BAG3: variants seen among roughly 807,000 people sequenced by gnomAD.
BAG3 encodes the protein BAG cochaperone 3, also known as BAG family molecular chaperone regulator 3.
BAG3 carries 14 observed loss-of-function variants against 40.5 expected under a neutral mutation model. That is an observed-to-expected ratio of 0.35 (90% CI 0.23 to 0.54). The LOEUF (loss-of-function observed/expected upper bound fraction) is 0.54. Ranked by LOEUF, BAG3 falls within the 20% of genes least tolerant of loss-of-function variation. BAG3 has a pLI of 0.91. For synonymous variants in BAG3, 302 were observed against 307.8 expected (o/e 0.98, Z 0.20); for missense variants, 788 against 758.6 (o/e 1.04, Z -0.46).
In BAG3 at chr10:119,676,726, C is replaced by G. The variant is rs200242752; in HGVS notation, c.1172C>G (p.Ala391Gly). 1 of 1,614,134 alleles carries G rather than the reference C, an allele frequency of 6.2e-7. No homozygotes were observed. Among genetic ancestry groups the G allele is most frequent in the Non-Finnish European group, 8.5e-7 (1 of 1,180,006 alleles). The change falls in exon 4 of 4, where the codon GCT (alanine) becomes GGT (glycine). Residue 391 changes from alanine to glycine, a missense_variant. Transcript: ENST00000369085. ...GTCCCCTCTTCCCCCAAGAGTGTGG[C>G]TACAGAAGAGAGGGCAGCCCCCAGC... ...SAVPSSPKSV[A>G]TEERAAPSTA...
At chr10:119,664,620 G>T (rs1847034523) in intron 1 of BAG3, among the ~76,000 whole-genome samples, 1 of 152,062 alleles carries the variant, frequency 6.6e-6, no homozygotes, top group South Asian at 2.1e-4. Flanking sequence ...ACACAGAGCT[G>T]TCCCCCCAAC....
intron 1 of BAG3, among the ~76,000 whole-genome samples, chr10:119,662,381 T>C (rs183879525): frequency 6.6e-6 from 1 of 152,134 alleles, no homozygotes; most frequent in African/African-American, 2.4e-5. Context: ...AGTTGCACTT[T>C]GGAAGAAAGT....
chr10:119,677,045 A>T lies in BAG3; in HGVS notation c.1491A>T (p.Lys497Asn). ...VQTILEKLEQ[K>N]AIDVPGQVQV... The stretch of plus-strand genomic sequence containing the variant: ...CCATCTTGGAAAAACTTGAACAGAA[A>T]GCCATTGATGTCCCAGGTCAAGTCC... The change falls in exon 4 of 4, where the codon AAA becomes AAT. Residue 497 changes from lysine to asparagine, a missense_variant. Transcript: ENST00000369085. 6.2e-7 allele frequency: 1 copy of T among 1,614,212 alleles called. No homozygotes were observed. Among genetic ancestry groups the T allele is most frequent in the East Asian group, 2.2e-5 (1 of 44,888 alleles).
At chr10:119,655,846 A>G (rs1380504297) in intron 1 of BAG3, among the ~76,000 whole-genome samples, 1 of 151,572 alleles carries the variant, frequency 6.6e-6, no homozygotes, top group East Asian at 1.9e-4. Flanking sequence ...TGTAGGGTAG[A>G]TTTGCCCTTT....
chr10:119,664,611 C>T (rs1401105150), intron 1 of BAG3, among the ~76,000 whole-genome samples: 1 of 152,156 alleles, frequency 6.6e-6, no homozygotes, highest in Non-Finnish European at 1.5e-5. Context: ...CCCATGATCA[C>T]ACAGAGCTGT....
At chr10:119,661,378 C>T (rs1395190685) in intron 1 of BAG3, among the ~76,000 whole-genome samples, 1 of 152,150 alleles carries the variant, frequency 6.6e-6, no homozygotes, top group Non-Finnish European at 1.5e-5. Flanking sequence ...CTTGCAAAAA[C>T]CCCTGGGAAA....
rs1846845927 is a variant in BAG3, at chr10:119,651,843, T to G, written c.168T>G (p.Ser56=). The change falls in exon 1 of 4, where the codon TCT becomes TCG. Residue 56 remains serine, a synonymous_variant. Transcript: ENST00000369085. The part of the protein sequence containing the change: ...TTTWNDPRVP[S]EGPKETPSSA... ...CGTGGAACGACCCGCGCGTGCCCTC[T>G]GAGGGCCCCAAGGTGAGCCGGGCCC... 1 of 1,581,594 alleles carries G rather than the reference T, an allele frequency of 6.3e-7. No homozygotes were observed. The highest frequency in any genetic ancestry group is 8.6e-7 in the Non-Finnish European group (1 of 1,165,132).
At position 119,651,550 on chromosome 10, in the gene BAG3, G is replaced by T; in HGVS notation, c.-126G>T. The T allele has an allele frequency of 1.1e-6, 1 of 894,482 alleles. No homozygotes were observed. Among genetic ancestry groups the T allele is most frequent in the Non-Finnish European group, 1.5e-6 (1 of 654,262 alleles). 55.4% of individuals were successfully genotyped at this position (894,482 alleles called of 1,614,324 possible). A position where few individuals can be genotyped will look rare whatever the true frequency, so the allele number is the denominator to read the frequency against. On this transcript the variant is annotated 5_prime_UTR_variant, in exon 1 of 4. Transcript: ENST00000369085. ...ACCCCCGCCTTTAATTCATAAAGGT[G>T]CCCGGCGCCGGCTTCCCGGACACGT...
In BAG3 at chr10:119,651,481, G is replaced by T. The variant is rs1344072147; in HGVS notation, c.-195G>T. ...TATCTCCTCCTTCCCCTCTGGCAGC[G>T]AGGAGGCTATTTCCAGACACTTCCA... On this transcript the variant is annotated 5_prime_UTR_variant, in exon 1 of 4. Coordinates refer to ENST00000369085, the MANE Select transcript of BAG3 (RefSeq NM_004281.4). The T allele has an allele frequency of 8.8e-6, 4 of 453,708 alleles. No homozygotes were observed. Among genetic ancestry groups the T allele is most frequent in the Non-Finnish European group, 1.5e-5 (4 of 266,362 alleles). 28.1% of individuals were successfully genotyped at this position (453,708 alleles called of 1,614,324 possible).
Position 119,672,457 on chromosome 10 carries a change from A to C in BAG3, c.710A>C (p.Gln237Pro), listed in dbSNP as rs1589630230. ...QAQKTHYPAQ[Q>P]GEYQTHQPVY... The stretch of plus-strand genomic sequence containing the variant: ...CAGAAGACGCACTACCCAGCGCAGC[A>C]GGGGGAGTACCAGACCCACCAGCCT... The change falls in exon 3 of 4, where the codon CAG becomes CCG. Residue 237 changes from glutamine (Q) to proline (P), a missense_variant. Physicochemically the swap from Gln to Pro is moderately conservative, Grantham distance 76. Transcript: ENST00000369085. The surrounding 1 kb of genome is among the most constrained non-coding windows in gnomAD (Gnocchi z 4.8). The C allele has an allele frequency of 6.2e-7, 1 of 1,614,076 alleles. No homozygotes were observed. The highest frequency in any genetic ancestry group is 2.2e-5 in the East Asian group (1 of 44,886).
chr10:119,672,774 A>G lies in BAG3; in HGVS notation c.909+118A>G, dbSNP rs1847171218. Reference sequence around the variant, plus strand: ...CTGCCTATTTAACATGCGTGTACCTACAGGCAAGTGAGATTCGAGAAATTG... The same window carrying G: ...CTGCCTATTTAACATGCGTGTACCTGCAGGCAAGTGAGATTCGAGAAATTG... On this transcript the variant is annotated intron_variant, in intron 3 of 3. Coordinates refer to ENST00000369085, the MANE Select transcript of BAG3 (RefSeq NM_004281.4). This position sits in a 1 kb window ranked among gnomAD's most constrained non-coding sequence, Gnocchi z 4.8. 2.1e-6 allele frequency: 3 copies of G among 1,424,974 alleles called. No homozygotes were observed. The highest frequency in any genetic ancestry group is 3.7e-5 in the Admixed American group (2 of 53,494). 88.3% of individuals were successfully genotyped at this position (1,424,974 alleles called of 1,614,324 possible).
chr10:119,664,348 T>G (rs1158907724), intron 1 of BAG3, among the ~76,000 whole-genome samples: 1 of 152,228 alleles, frequency 6.6e-6, no homozygotes, highest in African/African-American at 2.4e-5. Flanking sequence ...TTCAGATTTT[T>G]AATGCAATGC....
intron 1 of BAG3, among the ~76,000 whole-genome samples, chr10:119,656,060 A>G (rs1846905169): frequency 1.3e-5 from 2 of 152,162 alleles, no homozygotes; most frequent in South Asian, 2.1e-4. Context: ...ATTACTTTCT[A>G]TTGACATTTA....
chr10:119,674,990 AAAAC>A (rs1288485690), intron 3 of BAG3, among the ~76,000 whole-genome samples: 1 of 75,074 alleles, frequency 1.3e-5, no homozygotes, highest in African/African-American at 5.0e-5. Context: ...AACAAAAACA[AAAAC>A]AAAAAGCGTC....
Position 119,654,416 on chromosome 10 carries a change from G to A in BAG3, c.180+2561G>A, listed in dbSNP as rs147517994. ...TTCAGGATGTTTAAAATTTAATCACGTTAGTAAGAAAATGGAAAGAAAAGA... is the reference window on the plus strand; with the variant it reads ...TTCAGGATGTTTAAAATTTAATCACATTAGTAAGAAAATGGAAAGAAAAGA... On this transcript the variant is annotated intron_variant, in intron 1 of 3. Transcript: ENST00000369085. Among the ~76,000 whole-genome samples the A allele has an allele frequency of 1.8e-3, 278 of 152,230 alleles. 1 individual carries two copies. Among genetic ancestry groups the A allele is most frequent in the Middle Eastern group, 0.01 (3 of 294 alleles).
At chr10:119,656,280 C>T (rs547431328) in intron 1 of BAG3, among the ~76,000 whole-genome samples, 6 of 152,194 alleles carry the variant, frequency 3.9e-5, no homozygotes, top group African/African-American at 1.4e-4. Flanking sequence ...CACACTTGAC[C>T]GTGTTATTCT....
At chr10:119,676,360 T>A (rs1284826850) in intron 3 of BAG3, 104 bp from the exon 4 acceptor site, 18 of 1,283,184 alleles carry the variant, frequency 1.4e-5, no homozygotes, top group East Asian at 2.3e-5. Flanking sequence ...AAACTTTTTT[T>A]AAAAAGCCAT....
chr10:119,660,674 T>C (rs550889770), intron 1 of BAG3, among the ~76,000 whole-genome samples: 25 of 150,962 alleles, frequency 1.7e-4, no homozygotes, highest in African/African-American at 6.1e-4. Context: ...AGTGAGACCT[T>C]GTCTCTAAAA....
chr10:119,654,585 G>A (rs186915762), intron 1 of BAG3, among the ~76,000 whole-genome samples: 4 of 152,364 alleles, frequency 2.6e-5, no homozygotes, highest in South Asian at 2.1e-4. Flanking sequence ...GAAGCAGGAC[G>A]GCTCCCGGCA....
Sources: gnomAD v4.1 joint callset for allele counts (sites outside exome capture counted in the v4.1 genomes callset) on GRCh38, gnomAD v4.1.1 for gene constraint, Gnocchi (gnomAD v3.1) non-coding constraint, MANE v1.5 for transcripts, NCBI Gene and HGNC (gene_info 2026-07-23, HGNC 2026-07-21) for gene names.